Variants in TEX11 observed in about 807,000 individuals in gnomAD.
TEX11 encodes testis expressed 11, also known as testis-expressed protein 11.
Under a neutral mutation model 84.4 loss-of-function variants are expected in TEX11, and 7 were observed. The observed-to-expected ratio is 0.08, with a 90% CI of 0.05 to 0.16. The LOEUF (loss-of-function observed/expected upper bound fraction) is 0.16. TEX11 is among the 10% of genes least tolerant of loss of function. The pLI, the probability that TEX11 is intolerant of heterozygous loss-of-function variation, is 1.00. For synonymous variants in TEX11, 264 were observed against 222.8 expected, an observed-to-expected ratio of 1.18 and a Z score of -1.64; for missense variants, 551 against 660.5, an observed-to-expected ratio of 0.83 and a Z score of 1.82.
intron 8 of TEX11, among the ~76,000 whole-genome samples, chrX:70,809,638 G>A (rs750196318): frequency 8.9e-6 from 1 of 111,940 alleles, no homozygotes; most frequent in East Asian, 2.8e-4. Context: ...TAGCTGTTAC[G>A]TGAGATAAAA....
chrX:70,773,381 C>T (rs758242096), intron 9 of TEX11, among the ~76,000 whole-genome samples: 14 of 110,890 alleles, frequency 1.3e-4, no homozygotes, highest in Non-Finnish European at 2.3e-4. Flanking sequence ...GGGAATGATA[C>T]ATTCTACATG....
intron 16 of TEX11, among the ~76,000 whole-genome samples, chrX:70,655,407 T>C (rs1387762119): frequency 8.9e-6 from 1 of 111,789 alleles, no homozygotes; most frequent in Non-Finnish European, 1.9e-5. Context: ...AAATGTATAT[T>C]GCCTTTACAT....
chrX:70,792,689 C>T lies in TEX11; in HGVS notation c.692+14016G>A, dbSNP rs868449534. The stretch of plus-strand genomic sequence containing the variant: ...GAAAATAGAGAAAGAAGATCAACAA[C>T]GACAAAAACAACAATGACAACAAAG... On this transcript the variant is annotated intron_variant, in intron 9 of 29. Transcript: ENST00000374333. Among the ~76,000 whole-genome samples the T allele has an allele frequency of 2.7e-5, 3 of 109,463 alleles. No homozygotes were observed. The South Asian group carries it at 1.2e-3, about 43-fold the overall frequency.
intron 7 of TEX11, among the ~76,000 whole-genome samples, chrX:70,839,758 C>G (rs750202512): frequency 9.0e-6 from 1 of 110,890 alleles, no homozygotes; most frequent in Non-Finnish European, 1.9e-5. Flanking sequence ...ATTAGGCGAA[C>G]GGATACTAGA....
rs2089918743 is a variant in TEX11 at position 70,660,929 on chromosome X, C to G, written c.1381-9377G>C. Among the ~76,000 whole-genome samples the G allele has an allele frequency of 2.7e-5, 3 of 111,672 alleles. No individual in the cohort carries two copies. In the Admixed American group the frequency reaches 2.8e-4, roughly 11 times the overall value. ...ATGGCCGAATAGAAACAGCTCCAGT[C>G]TACAGCTCCCAGTGTGAGCGACACA... On this transcript the variant is annotated intron_variant, in intron 16 of 29. Transcript: ENST00000374333.
At chrX:70,568,693 G>T (rs994130232) in intron 25 of TEX11, among the ~76,000 whole-genome samples, 8 of 111,195 alleles carry the variant, frequency 7.2e-5, no homozygotes, top group Non-Finnish European at 1.5e-4. Context: ...ATGAAATTCT[G>T]CATTGAAAAT....
intron 13 of TEX11, among the ~76,000 whole-genome samples, chrX:70,719,038 G>A (rs2090532782): frequency 1.8e-5 from 2 of 111,357 alleles, no homozygotes; most frequent in African/African-American, 6.5e-5. Context: ...AACCCAACCT[G>A]TGACAACACC....
chrX:70,896,798 C>T (rs1306392974), intron 2 of TEX11, among the ~76,000 whole-genome samples: 8 of 110,333 alleles, frequency 7.3e-5, no homozygotes, highest in East Asian at 2.8e-4. Flanking sequence ...CATGTTCTCA[C>T]TCATAAGTAG....
chrX:70,811,140 A>AG (rs1047995971), intron 8 of TEX11, among the ~76,000 whole-genome samples: 10 of 110,855 alleles, frequency 9.0e-5, no homozygotes, highest in African/African-American at 3.3e-4. Flanking sequence ...CTCATCATTT[A>AG]CATTAGGTAT....
intron 13 of TEX11, among the ~76,000 whole-genome samples, chrX:70,705,980 A>C (rs1245433943): frequency 2.7e-5 from 3 of 111,619 alleles, no homozygotes; most frequent in African/African-American, 9.8e-5. Flanking sequence ...AGGATTATAA[A>C]TCATGCTGCT....
chrX:70,664,718 C>G (rs1018994266), intron 16 of TEX11, among the ~76,000 whole-genome samples: 90 of 109,604 alleles, frequency 8.2e-4, no homozygotes, highest in African/African-American at 2.8e-3. Flanking sequence ...GTTGGAATCT[C>G]AGTCAGGGTA....
At chrX:70,602,381 GC>G (rs1218250906) in intron 24 of TEX11, among the ~76,000 whole-genome samples, 2 of 106,747 alleles carry the variant, frequency 1.9e-5, no homozygotes, top group Non-Finnish European at 3.9e-5. Context: ...TCCCTGGGAT[GC>G]AAGGCTGGTT....
chrX:70,704,317 G>A (rs1488357073), intron 13 of TEX11, among the ~76,000 whole-genome samples: 11 of 110,745 alleles, frequency 9.9e-5, no homozygotes, highest in Admixed American at 9.7e-4. Flanking sequence ...ATAGCAGTGC[G>A]AGAATGGACT....
intron 9 of TEX11, among the ~76,000 whole-genome samples, chrX:70,786,834 G>A (rs1409858535): frequency 8.9e-6 from 1 of 112,024 alleles, no homozygotes; most frequent in African/African-American, 3.2e-5. Flanking sequence ...CTGATTTGAT[G>A]TGGAAAAAGC....
At chrX:70,521,086 G>C in the TEX11 span, among the ~76,000 whole-genome samples, 1 of 111,446 alleles carries the variant, frequency 9.0e-6, no homozygotes, top group Non-Finnish European at 1.9e-5. Flanking sequence ...GACCCCTTGT[G>C]CTTCCTGGGT....
At position 70,715,620 on chromosome X, in the gene TEX11, G is replaced by A. The variant is rs1018859744; in HGVS notation, c.1004+6998C>T. ...CTTGTGCATTTGTCACGCAGTTCTC[G>A]TGCCATGGTTTTCAGCTCCATCAGG... On this transcript the variant is annotated intron_variant, in intron 13 of 29. Transcript: ENST00000374333. Among the ~76,000 whole-genome samples the A allele has an allele frequency of 1.5e-4, 17 of 112,048 alleles. 1 individual carries two copies. Among genetic ancestry groups the A allele is most frequent in the Admixed American group, 1.3e-3 (14 of 10,550 alleles).
At chrX:70,902,785 C>A (rs28829085) in intron 2 of TEX11, among the ~76,000 whole-genome samples, 10,355 of 110,826 alleles carry the variant, frequency 0.093, 618 homozygotes, top group Admixed American at 0.29. Flanking sequence ...AGTGATCTGC[C>A]CGCCTCAACC....
At chrX:70,565,903 A>G (rs4529623) in intron 25 of TEX11, among the ~76,000 whole-genome samples, 45,233 of 107,712 alleles carry the variant, frequency 0.42, 8,291 homozygotes, top group East Asian at 0.59. Flanking sequence ...TTTTGGTTCC[A>G]TATGAACTTT....
At chrX:70,848,676 G>A (rs1213697860) in intron 7 of TEX11, among the ~76,000 whole-genome samples, 3 of 112,104 alleles carry the variant, frequency 2.7e-5, no homozygotes, top group Non-Finnish European at 5.6e-5. Context: ...TATGCTAGAA[G>A]CTGACAATGC....
Sources: gnomAD v4.1 joint callset for allele counts (sites outside exome capture counted in the v4.1 genomes callset) on GRCh38, gnomAD v4.1.1 for gene constraint, MANE v1.5 for transcripts, NCBI Gene and HGNC (gene_info 2026-07-23, HGNC 2026-07-21) for gene names.